Variants in EXOC4 observed in about 807,000 individuals in gnomAD.
EXOC4 encodes SEC8-like 1.
Under a neutral mutation model 107.2 loss-of-function variants are expected in EXOC4, and 71 were observed. The observed-to-expected ratio is 0.66, with a 90% confidence interval of 0.55 to 0.81. The LOEUF (loss-of-function observed/expected upper bound fraction) is 0.81, where lower values mean the gene tolerates loss of function less well. Ranked by LOEUF, EXOC4 falls within the 30% of genes least tolerant of loss-of-function variation. The pLI is 0.00. For missense variants in EXOC4, 1,108 were observed against 1,189.6 expected (o/e 0.93, Z 1.01); for synonymous variants, 456 against 441.2 (o/e 1.03, Z -0.42).
At chr7:133,784,082 AT>A (rs1367240819) in intron 10 of EXOC4, among the ~76,000 whole-genome samples, 2 of 152,180 alleles carry the variant, frequency 1.3e-5, no homozygotes, top group Non-Finnish European at 2.9e-5. Flanking sequence ...AATTATGTTA[AT>A]AATTCTAATC....
chr7:133,556,404 C>T (rs1295181714), intron 9 of EXOC4, among the ~76,000 whole-genome samples: 1 of 152,020 alleles, frequency 6.6e-6, no homozygotes, highest in Non-Finnish European at 1.5e-5. Flanking sequence ...CTTTTTTCAT[C>T]TCATTTTATT....
the EXOC4 span, among the ~76,000 whole-genome samples, chr7:134,092,894 G>A: frequency 7.1e-6 from 1 of 140,250 alleles, no homozygotes; most frequent in African/African-American, 2.8e-5. Flanking sequence ...TTTTACTCCA[G>A]CCTGGGCGAC....
chr7:133,372,218 G>A (rs1179874012), intron 6 of EXOC4, among the ~76,000 whole-genome samples: 1 of 152,030 alleles, frequency 6.6e-6, no homozygotes, highest in Non-Finnish European at 1.5e-5. Flanking sequence ...TTAAATTTTG[G>A]TGTCAGAGCT....
At chr7:133,485,804 A>G (rs1385560022) in intron 9 of EXOC4, among the ~76,000 whole-genome samples, 7 of 152,158 alleles carry the variant, frequency 4.6e-5, no homozygotes, top group Non-Finnish European at 8.8e-5. Flanking sequence ...TACTTATTTG[A>G]GAAACCCTAG....
chr7:133,823,546 G>A (rs1024099770), intron 11 of EXOC4, among the ~76,000 whole-genome samples: 10 of 151,774 alleles, frequency 6.6e-5, no homozygotes, highest in Non-Finnish European at 1.5e-4. Flanking sequence ...TGGGCATGGT[G>A]GCTCACACCT....
At chr7:133,604,070 A>C (rs191005840) in intron 9 of EXOC4, among the ~76,000 whole-genome samples, 1 of 151,832 alleles carries the variant, frequency 6.6e-6, no homozygotes, top group Admixed American at 6.6e-5. Context: ...ACATGAGCCC[A>C]GGCCTACACA....
At chr7:133,264,514 GA>G (rs1289715859) in intron 1 of EXOC4, among the ~76,000 whole-genome samples, 3 of 152,140 alleles carry the variant, frequency 2.0e-5, no homozygotes, top group Non-Finnish European at 4.4e-5. Flanking sequence ...ACATAATTAA[GA>G]AATAAGCAAT....
intron 11 of EXOC4, among the ~76,000 whole-genome samples, chr7:133,864,886 C>T (rs759930436): frequency 3.3e-5 from 5 of 152,118 alleles, no homozygotes; most frequent in Non-Finnish European, 5.9e-5. Flanking sequence ...GCCCTGATAA[C>T]ACTTGATAAA....
chr7:133,630,914 T>TC (rs2151015639), intron 10 of EXOC4, among the ~76,000 whole-genome samples: 1 of 152,248 alleles, frequency 6.6e-6, no homozygotes, highest in Non-Finnish European at 1.5e-5. Flanking sequence ...AAAGGTACTT[T>TC]ATGAGAGTGG....
intron 9 of EXOC4, among the ~76,000 whole-genome samples, chr7:133,506,552 C>CT (rs1367001084): frequency 1.3e-5 from 2 of 152,028 alleles, no homozygotes; most frequent in African/African-American, 4.8e-5. Context: ...GCAGTACAGA[C>CT]TTTTATGAAC....
intron 10 of EXOC4, among the ~76,000 whole-genome samples, chr7:133,750,752 T>C (rs988162590): frequency 1.3e-5 from 2 of 151,930 alleles, no homozygotes; most frequent in African/African-American, 4.8e-5. Context: ...AATAATACAG[T>C]TTATTTTCTG....
At chr7:133,874,744 A>G (rs1798815244) in intron 11 of EXOC4, among the ~76,000 whole-genome samples, 1 of 152,260 alleles carries the variant, frequency 6.6e-6, no homozygotes, top group Admixed American at 6.5e-5. Context: ...CTCCCACTGC[A>G]TCTAACCAGA....
intron 11 of EXOC4, among the ~76,000 whole-genome samples, chr7:133,867,476 T>C (rs1294079942): frequency 3.3e-5 from 5 of 152,168 alleles, no homozygotes. Flanking sequence ...CTCAAACACC[T>C]GGCTGGTGGA....
At chr7:133,737,567 C>T (rs977001275) in intron 10 of EXOC4, among the ~76,000 whole-genome samples, 32 of 151,980 alleles carry the variant, frequency 2.1e-4, no homozygotes, top group Admixed American at 1.8e-3. Context: ...GGTAGCTTAC[C>T]GTTTCTAGTT....
chr7:133,861,253 C>A (rs1020394987), intron 11 of EXOC4, among the ~76,000 whole-genome samples: 5 of 152,060 alleles, frequency 3.3e-5, no homozygotes, highest in African/African-American at 1.2e-4. Flanking sequence ...AATTTGGGTG[C>A]ATGAGAATTG....
chr7:133,669,199 A>G (rs1332879172), intron 10 of EXOC4, among the ~76,000 whole-genome samples: 1 of 151,958 alleles, frequency 6.6e-6, no homozygotes, highest in Non-Finnish European at 1.5e-5. Context: ...AGGGAGGGGT[A>G]AGGAGCCAAA....
intron 12 of EXOC4, among the ~76,000 whole-genome samples, chr7:133,908,424 A>G (rs12707129): frequency 0.47 from 71,199 of 152,164 alleles, 17,996 homozygotes; most frequent in African/African-American, 0.66. Flanking sequence ...CAGCCCAAAG[A>G]AGAGGCAATG....
chr7:133,990,444 AT>A (rs1794225437), intron 14 of EXOC4, among the ~76,000 whole-genome samples: 2 of 151,820 alleles, frequency 1.3e-5, no homozygotes, highest in African/African-American at 2.4e-5. Flanking sequence ...GAATGACAGG[AT>A]TTTATTCTTT....
chr7:133,586,861 C>T (rs1036051060), intron 9 of EXOC4, among the ~76,000 whole-genome samples: 3 of 152,048 alleles, frequency 2.0e-5, no homozygotes, highest in African/African-American at 7.3e-5. Flanking sequence ...GGCAGAGTCT[C>T]ACTCCGTCAC....
Sources: gnomAD v4.1 joint callset for allele counts (sites outside exome capture counted in the v4.1 genomes callset) on GRCh38, gnomAD v4.1.1 for gene constraint, MANE v1.5 for transcripts, NCBI Gene and HGNC (gene_info 2026-07-23, HGNC 2026-07-21) for gene names.